The following OFD1 variants were observed in gnomAD, a reference collection of about 807,000 sequenced individuals.
The protein encoded by OFD1 is centriole and centriolar satellite protein OFD1.
OFD1 carries 12 observed loss-of-function variants against 81.4 expected under a neutral mutation model. The observed-to-expected ratio is 0.15, with a 90% CI of 0.09 to 0.24. OFD1 has a LOEUF of 0.24. Among genes scored for constraint, OFD1 ranks in the 10% least tolerant of loss-of-function variants. The pLI is 1.00. For synonymous variants in OFD1, 256 were observed against 263.7 expected, an observed-to-expected ratio of 0.97 and a Z score of 0.28; for missense variants, 685 against 733.9, an observed-to-expected ratio of 0.93 and a Z score of 0.77.
intron 18 of OFD1, among the ~76,000 whole-genome samples, chrX:13,762,962 G>A (rs1400098098): frequency 9.0e-6 from 1 of 111,287 alleles, no homozygotes; most frequent in Non-Finnish European, 1.9e-5. Flanking sequence ...TAGAGATGGG[G>A]TTTCACCATA....
rs2048026816 is a variant in OFD1, at chrX:13,763,854, A to C, written c.2598A>C (p.Pro866=). 6 of 1,191,128 alleles carry C rather than the reference A, an allele frequency of 5.0e-6. No homozygotes were observed. The highest frequency in any genetic ancestry group is 2.2e-5 in the Admixed American group (1 of 45,773). The part of the protein sequence containing the change: ...AAAVPLSYQH[P]SVDQKQIEEQ... ...CTGTGCCCCTCTCATATCAGCACCC[A>C]AGTAAGTTCTTTTTTTGAACTAACA... The change falls in exon 19 of 23, where the codon CCA becomes CCC. Residue 866 remains proline (P), a splice_region_variant and synonymous_variant. Transcript: ENST00000340096.
At chrX:13,764,511 C>T (rs779553886) in intron 19 of OFD1, among the ~76,000 whole-genome samples, 2 of 111,571 alleles carry the variant, frequency 1.8e-5, no homozygotes, top group South Asian at 7.5e-4. Context: ...GGAAGAGAGC[C>T]GTGGGAGCTT....
At position 13,768,725 on chromosome X, in the gene OFD1, A is replaced by C. The variant is rs764340932; in HGVS notation, c.2936A>C (p.Lys979Thr). The change falls in exon 22 of 23, where the codon AAA (lysine) becomes ACA (threonine). Residue 979 changes from lysine to threonine, a missense_variant. Physicochemically the swap from Lys to Thr is moderately conservative, Grantham distance 78. Coordinates refer to ENST00000340096, the MANE Select transcript of OFD1 (RefSeq NM_003611.3). ...CCCTCTCCATGTAATCAGAGCTCAA[A>C]AAAGATGGTCCAAGAAGGCTCCCTA... Reference protein sequence around the residue: ...QDQESADKSSKKMVQEGSLVD... With the variant: ...QDQESADKSSTKMVQEGSLVD... 8.3e-7 allele frequency: 1 copy of C among 1,209,905 alleles called. No individual in the cohort carries two copies. The highest frequency in any genetic ancestry group is 1.7e-5 in the African/African-American group (1 of 57,818).
the OFD1 span, chrX:13,719,985 A>G: frequency 1.0e-5 from 11 of 1,077,997 alleles, no homozygotes; most frequent in Admixed American, 3.1e-5. Flanking sequence ...TATGGCTCCT[A>G]ATTAAGTGAA....
chrX:13,737,937 C>A (rs1264832467), intron 3 of OFD1, among the ~76,000 whole-genome samples: 2 of 111,271 alleles, frequency 1.8e-5, no homozygotes, highest in African/African-American at 6.5e-5. Flanking sequence ...GCAACCTCTG[C>A]CTCCTGTGTT....
intron 11 of OFD1, 171 bp downstream of exon 11, chrX:13,753,612 A>G (rs2047585624): frequency 2.2e-6 from 1 of 448,262 alleles, no homozygotes; most frequent in East Asian, 4.1e-5. Context: ...CATGGTCTTC[A>G]CTGCCTTTTG....
chrX:13,762,388 C>T lies in OFD1; in HGVS notation c.2432C>T (p.Ser811Leu). 1 of 1,202,452 alleles carries T rather than the reference C, an allele frequency of 8.3e-7. No homozygotes were observed. Among genetic ancestry groups the T allele is most frequent in the Non-Finnish European group, 1.1e-6 (1 of 887,083 alleles). ...QTELQDKSEF[S>L]DVDKLAFKDN... Reference sequence around the variant, plus strand: ...GAACTTCAAGACAAAAGTGAATTTTCAGATGTGGACAAGCTAGCTTTTAAG... The same window carrying T: ...GAACTTCAAGACAAAAGTGAATTTTTAGATGTGGACAAGCTAGCTTTTAAG... The change falls in exon 18 of 23, where the codon TCA (serine) becomes TTA (leucine). Residue 811 changes from serine (S) to leucine (L), a missense_variant. Ser to Leu is a moderately radical substitution (Grantham distance 145). Coordinates refer to ENST00000340096, the MANE Select transcript of OFD1 (RefSeq NM_003611.3).
intron 15 of OFD1, among the ~76,000 whole-genome samples, chrX:13,759,411 C>G (rs771471155): frequency 4.5e-5 from 5 of 112,277 alleles, no homozygotes; most frequent in South Asian, 3.7e-4. Context: ...CATGTGTTGC[C>G]GAGGGCAAGC....
chrX:13,753,084 A>G (rs1449315399), intron 10 of OFD1: 11 of 942,594 alleles, frequency 1.2e-5, no homozygotes, highest in Non-Finnish European at 1.5e-5. Context: ...GTTGAGACCA[A>G]CTGAAAAGTG....
intron 5 of OFD1, among the ~76,000 whole-genome samples, chrX:13,742,985 G>C (rs1319937951): frequency 8.9e-6 from 1 of 111,902 alleles, no homozygotes; most frequent in African/African-American, 3.3e-5. Flanking sequence ...AGTGGGGGTG[G>C]GGGAAAAGGT....
chrX:13,728,491 G>A, the OFD1 span, among the ~76,000 whole-genome samples: 2 of 111,705 alleles, frequency 1.8e-5, no homozygotes, highest in African/African-American at 3.3e-5. Context: ...CAGAACCAAC[G>A]ACAAAATCCA....
At chrX:13,768,626 T>A in intron 21 of OFD1, 92 bp from the exon 22 acceptor site, 1 of 714,194 alleles carries the variant, frequency 1.4e-6, no homozygotes, top group Non-Finnish European at 2.2e-6. Context: ...GACTTTTAAA[T>A]TACATATATA....
Position 13,753,399 on chromosome X carries a change from A to G in OFD1, c.1087A>G (p.Ile363Val). ...ACTTGAACTGAAGGATGACTACATCATTAGAACTAATCGACTGATTGAAGA... is the reference window on the plus strand; with the variant it reads ...ACTTGAACTGAAGGATGACTACATCGTTAGAACTAATCGACTGATTGAAGA... ...YQLELKDDYI[I>V]RTNRLIEDER... The change falls in exon 11 of 23, where the codon ATT (isoleucine) becomes GTT (valine). Residue 363 changes from isoleucine to valine, a missense_variant. Around this residue, in one of 3 missense-constraint regions of OFD1, gnomAD observed 414 missense variants for 447.2 expected, o/e 0.93. Coordinates refer to ENST00000340096, the MANE Select transcript of OFD1 (RefSeq NM_003611.3). 8.3e-7 allele frequency: 1 copy of G among 1,208,109 alleles called. No individual in the cohort carries two copies. The highest frequency in any genetic ancestry group is 1.1e-6 in the Non-Finnish European group (1 of 892,659).
chrX:13,721,437 G>A, the OFD1 span: 3 of 112,199 alleles, frequency 2.7e-5, no homozygotes, highest in Non-Finnish European at 3.8e-5. Context: ...TAACATGGGA[G>A]ACCGTATGCA....
At chrX:13,734,426 G>A (rs187720883), upstream of OFD1, 927 of 256,940 alleles carry the variant, frequency 3.6e-3, 4 homozygotes, top group Middle Eastern at 0.014. Flanking sequence ...CCCGGGGAGG[G>A]GTGGAGGTAC....
chrX:13,724,559 G>C, the OFD1 span, among the ~76,000 whole-genome samples: 17 of 111,854 alleles, frequency 1.5e-4, no homozygotes, highest in African/African-American at 5.2e-4. Flanking sequence ...CAAATAGCAA[G>C]CATGGAAGAA....
Position 13,755,257 on chromosome X carries a change from T to A in OFD1, c.1221+15T>A. ...AAGAACTTGAGGTAATTGTTAAGCA[T>A]GTTGGTTTTTGAAATAGATTTTAAG... On this transcript the variant is annotated intron_variant, in intron 12 of 22. Coordinates refer to ENST00000340096, the MANE Select transcript of OFD1 (RefSeq NM_003611.3). 1.8e-6 allele frequency: 2 copies of A among 1,099,927 alleles called. No homozygotes were observed. The highest frequency in any genetic ancestry group is 2.5e-6 in the Non-Finnish European group (2 of 794,060). 90.6% of individuals were successfully genotyped at this position (1,099,927 alleles called of 1,213,427 possible).
intron 5 of OFD1, 146 bp from the exon 6 acceptor site, chrX:13,744,269 G>A (rs1324431360): frequency 4.6e-6 from 2 of 431,391 alleles, no homozygotes; most frequent in Non-Finnish European, 8.4e-6. Flanking sequence ...CTCCAGCCTG[G>A]GTGACAGAGC....
chrX:13,757,163 C>T (rs1376555297), intron 13 of OFD1, among the ~76,000 whole-genome samples: 1 of 112,347 alleles, frequency 8.9e-6, no homozygotes, highest in Admixed American at 9.4e-5. Flanking sequence ...GGCCCTGTTA[C>T]TAGCCCACCC....
Sources: gnomAD v4.1 joint callset for allele counts (sites outside exome capture counted in the v4.1 genomes callset) on GRCh38, gnomAD v4.1.1 for gene constraint, gnomAD v4.1.1 regional missense constraint, MANE v1.5 for transcripts, NCBI Gene and HGNC (gene_info 2026-07-23, HGNC 2026-07-21) for gene names.